NR2F1: variants seen among roughly 807,000 people sequenced by gnomAD.
NR2F1 encodes the protein nuclear receptor subfamily 2 group F member 1, also known as COUP transcription factor 1.
A neutral mutation model predicts 37.7 loss-of-function variants in NR2F1; 1 was observed. That is an observed-to-expected ratio of 0.03 (90% CI 0.01 to 0.13). The LOEUF is 0.13. NR2F1 is among the 10% of genes least tolerant of loss of function. NR2F1 has a pLI of 1.00. For missense variants in NR2F1, 268 were observed against 578.4 expected, an observed-to-expected ratio of 0.46 and a Z score of 5.50; for synonymous variants, 275 against 259.6, an observed-to-expected ratio of 1.06 and a Z score of -0.57.
intron 2 of NR2F1, among the ~76,000 whole-genome samples, chr5:93,591,678 A>G (rs1036643376): frequency 6.6e-6 from 1 of 152,006 alleles, no homozygotes; most frequent in African/African-American, 2.4e-5. Flanking sequence ...GGGATGCCAG[A>G]TGGATCTTAA....
At position 93,585,077 on chromosome 5, in the gene NR2F1, C is replaced by T; in HGVS notation, c.54C>T (p.Gly18=). 1.9e-6 allele frequency: 2 copies of T among 1,026,686 alleles called. No individual in the cohort carries two copies. Among genetic ancestry groups the T allele is most frequent in the South Asian group, 4.1e-5 (1 of 24,576 alleles). 63.6% of individuals were successfully genotyped at this position (1,026,686 alleles called of 1,614,324 possible). A position where few individuals can be genotyped will look rare whatever the true frequency, so the allele number is the denominator to read the frequency against. ...ATCCGCAGGACGACGTGGCCGGGGG[C>T]AACCCCGGCGGCCCCAACCCCGCAG... is the stretch of plus-strand genomic sequence containing the variant. ...WRDPQDDVAG[G]NPGGPNPAAQ... The change falls in exon 1 of 3, where the codon GGC becomes GGT. Residue 18 remains glycine, a synonymous_variant. Transcript: ENST00000327111.
chr5:93,585,237 C>A lies in NR2F1; in HGVS notation c.214C>A (p.Gln72Lys). 2 of 1,557,384 alleles carry A rather than the reference C, an allele frequency of 1.3e-6. No individual in the cohort carries two copies. The highest frequency in any genetic ancestry group is 1.7e-6 in the Non-Finnish European group (2 of 1,151,352). Residue 72 changes from glutamine (Q) to lysine (K), a missense_variant, in exon 1 of 3, where the codon CAG (glutamine) becomes AAG (lysine). Physicochemically the swap from Gln to Lys is moderately conservative, Grantham distance 53. Transcript: ENST00000327111. ...CCCCGGCACGGCGGGGGACAAGGGC[C>A]AGGGCCCGCCCGGTTCGGGCCAGAG... ...ATPGTAGDKG[Q>K]GPPGSGQSQQ...
chr5:93,586,138 GCCT>G (rs143284234), intron 1 of NR2F1, among the ~76,000 whole-genome samples: 5,423 of 152,162 alleles, frequency 0.036, 321 homozygotes, highest in African/African-American at 0.12. Context: ...AGCTGGGGCC[GCCT>G]CCTCCAGAGC....
chr5:93,583,263 A>T lies in NR2F1; in HGVS notation c.-1761A>T, dbSNP rs185289050. The T allele has an allele frequency of 7.2e-6, 1 of 138,588 alleles. No individual in the cohort carries two copies. Among genetic ancestry groups the T allele is most frequent in the Non-Finnish European group, 1.6e-5 (1 of 64,314 alleles). The allele number at this position is 138,588 out of a possible 1,614,324, so 8.6% of individuals were successfully genotyped here. A position where few individuals can be genotyped will look rare whatever the true frequency, so the allele number is the denominator to read the frequency against. On this transcript the variant is annotated 5_prime_UTR_variant, in exon 1 of 3. Coordinates refer to ENST00000327111, the MANE Select transcript of NR2F1 (RefSeq NM_005654.6). ...GAGTCCTCCCGTTTAAACGCATTCA[A>T]TTTTTGGGTCTCTCTCTCTCTCTCT...
chr5:93,591,738 T>C (rs889213684), intron 2 of NR2F1, among the ~76,000 whole-genome samples: 1 of 152,044 alleles, frequency 6.6e-6, no homozygotes, highest in Non-Finnish European at 1.5e-5. Context: ...CATTGCATTG[T>C]CTAGGGCTGA....
In NR2F1 at chr5:93,588,038, C is replaced by G. The variant is rs374430367; in HGVS notation, c.585C>G (p.Ala195=). The change falls in exon 2 of 3, where the codon GCC becomes GCG. Residue 195 remains alanine (A), a synonymous_variant. Coordinates refer to ENST00000327111, the MANE Select transcript of NR2F1 (RefSeq NM_005654.6). The stretch of plus-strand genomic sequence containing the variant: ...GCTACATCTCGCTGCTGCTGCGCGC[C>G]GAGCCCTACCCCACGTCGCGCTACG... ...LSGYISLLLR[A]EPYPTSRYGS... The G allele has an allele frequency of 2.5e-6, 4 of 1,613,986 alleles. No individual in the cohort carries two copies. Among genetic ancestry groups the G allele is most frequent in the Non-Finnish European group, 3.4e-6 (4 of 1,180,020 alleles).
chr5:93,591,762 G>A (rs1753335048), intron 2 of NR2F1, among the ~76,000 whole-genome samples: 1 of 152,156 alleles, frequency 6.6e-6, no homozygotes, highest in South Asian at 2.1e-4. Context: ...TGATCCATAA[G>A]CATGCAGGCA....
intron 2 of NR2F1, among the ~76,000 whole-genome samples, chr5:93,589,418 A>C (rs1057212356): frequency 6.6e-6 from 1 of 152,252 alleles, no homozygotes; most frequent in South Asian, 2.1e-4. Context: ...ATAAACACCC[A>C]GGACAGCAGG....
chr5:93,587,814 C>A, intron 1 of NR2F1, 103 bp from the exon 2 acceptor site: 1 of 1,255,520 alleles, frequency 8.0e-7, no homozygotes, highest in Non-Finnish European at 1.1e-6. Context: ...GCGCGTGTGG[C>A]TGCGGGAAGA....
intron 1 of NR2F1, among the ~76,000 whole-genome samples, chr5:93,586,165 TCAC>T (rs1753229592): frequency 6.6e-6 from 1 of 152,190 alleles, no homozygotes; most frequent in Non-Finnish European, 1.5e-5. Flanking sequence ...GGCCTTGTTT[TCAC>T]CCCTCTACTT....
In NR2F1 at chr5:93,594,227, C is replaced by T. The variant is rs1753385109; in HGVS notation, c.*385C>T. 1 of 196,872 alleles carries T rather than the reference C, an allele frequency of 5.1e-6. No homozygotes were observed. Among genetic ancestry groups the T allele is most frequent in the Admixed American group, 5.6e-5 (1 of 17,862 alleles). 12.2% of individuals were successfully genotyped at this position (196,872 alleles called of 1,614,324 possible). Reference sequence around the variant, plus strand: ...TGGACGGATGTGGATATATTCTGTACAGGAACAACACATATGGAAGTGGAC... The same window carrying T: ...TGGACGGATGTGGATATATTCTGTATAGGAACAACACATATGGAAGTGGAC... On this transcript the variant is annotated 3_prime_UTR_variant, in exon 3 of 3. Coordinates refer to ENST00000327111, the MANE Select transcript of NR2F1 (RefSeq NM_005654.6).
intron 2 of NR2F1, among the ~76,000 whole-genome samples, chr5:93,591,679 TG>T (rs902003964): frequency 6.6e-6 from 1 of 151,872 alleles, no homozygotes; most frequent in African/African-American, 2.4e-5. Context: ...GGATGCCAGA[TG>T]GATCTTAAAA....
In NR2F1 at chr5:93,586,191, T is replaced by C. The variant is rs533250531; in HGVS notation, c.463+705T>C. On this transcript the variant is annotated intron_variant, in intron 1 of 2. Coordinates refer to ENST00000327111, the MANE Select transcript of NR2F1 (RefSeq NM_005654.6). ...CACCCCTCTACTTTGAAAGGAAAGT[T>C]TGTGACTGAACCGTGCTTTCATAGT... Among the ~76,000 whole-genome samples the C allele has an allele frequency of 3.3e-5, 5 of 152,302 alleles. No homozygotes were observed. In the East Asian group the frequency reaches 9.7e-4, roughly 29 times the overall value.
Position 93,593,298 on chromosome 5 carries a change from T to C in NR2F1, c.992-264T>C, listed in dbSNP as rs75312970. On this transcript the variant is annotated intron_variant, in intron 2 of 2. Coordinates refer to ENST00000327111, the MANE Select transcript of NR2F1 (RefSeq NM_005654.6). The surrounding 1 kb of genome is among the most constrained non-coding windows in gnomAD (Gnocchi z 5.6). ...GACTAGAGAGGTTTCTGCCTCTGCA[T>C]GTGTGTGCCTCTCTCTCCAGCTCCC... Among the ~76,000 whole-genome samples the C allele has an allele frequency of 3.1e-4, 47 of 152,122 alleles. No individual in the cohort carries two copies. Among genetic ancestry groups the C allele is most frequent in the Admixed American group, 9.8e-4 (15 of 15,292 alleles).
chr5:93,588,562 G>A (rs1225339133), intron 2 of NR2F1, 118 bp downstream of exon 2: 1 of 584,380 alleles, frequency 1.7e-6, no homozygotes. Flanking sequence ...CCGGGCCCTC[G>A]CTGGACACTG....
In NR2F1 at chr5:93,593,889, AC is replaced by A. The variant is rs775083264; in HGVS notation, c.*50del. The A allele has an allele frequency of 3.2e-6, 5 of 1,578,324 alleles. No individual in the cohort carries two copies. Among genetic ancestry groups the A allele is most frequent in the Middle Eastern group, 1.7e-4 (1 of 5,910 alleles). ...CCCCGTCCCCCTAGAGACTCAGAGG[AC>A]CCACCTGGGCCAAGGACTCCAAAGC... is the stretch of plus-strand genomic sequence containing the variant. On this transcript the variant is annotated 3_prime_UTR_variant, in exon 3 of 3. Coordinates refer to ENST00000327111, the MANE Select transcript of NR2F1 (RefSeq NM_005654.6). This position sits in a 1 kb window ranked among gnomAD's most constrained non-coding sequence, Gnocchi z 5.6.
chr5:93,588,421 A>G lies in NR2F1; in HGVS notation c.968A>G (p.Lys323Arg), dbSNP rs1427816254. 1.2e-6 allele frequency: 2 copies of G among 1,610,112 alleles called. No individual in the cohort carries two copies. Among genetic ancestry groups the G allele is most frequent in the Admixed American group, 1.7e-5 (1 of 59,910 alleles). The change falls in exon 2 of 3, where the codon AAA becomes AGA. Residue 323 changes from lysine (K) to arginine (R), a missense_variant. Transcript: ENST00000327111. ...GACTCAGCCGAGTACAGCTGCCTCA[A>G]AGCCATCGTGCTGTTCACGTCAGGT... ...HVDSAEYSCL[K>R]AIVLFTSDAC...
In NR2F1 at chr5:93,593,780, C is replaced by G; in HGVS notation, c.1210C>G (p.Arg404Gly). Reference protein sequence around the residue: ...VGKTPIETLIRDMLLSGSSFN... With the variant: ...VGKTPIETLIGDMLLSGSSFN... The stretch of plus-strand genomic sequence containing the variant: ...TAAAACCCCCATCGAAACTCTCATC[C>G]GCGATATGTTACTGTCTGGGAGCAG... Residue 404 changes from arginine (R) to glycine (G), a missense_variant, in exon 3 of 3, where the codon CGC (arginine) becomes GGC (glycine). Transcript: ENST00000327111. This position sits in a 1 kb window ranked among gnomAD's most constrained non-coding sequence, Gnocchi z 5.6. 6.2e-7 allele frequency: 1 copy of G among 1,614,202 alleles called. No homozygotes were observed.
At position 93,585,505 on chromosome 5, in the gene NR2F1, C is replaced by T; in HGVS notation, c.463+19C>T. 6.3e-7 allele frequency: 1 copy of T among 1,587,424 alleles called. No homozygotes were observed. Among genetic ancestry groups the T allele is most frequent in the Non-Finnish European group, 8.6e-7 (1 of 1,157,894 alleles). Reference sequence around the variant, plus strand: ...CGGGAAGGTGAATATTTCTTCTCTGCTTCTCTCCCCGCGCTTCGCCCGCCT... The same window carrying T: ...CGGGAAGGTGAATATTTCTTCTCTGTTTCTCTCCCCGCGCTTCGCCCGCCT... On this transcript the variant is annotated intron_variant, in intron 1 of 2. Coordinates refer to ENST00000327111, the MANE Select transcript of NR2F1 (RefSeq NM_005654.6).
Sources: allele counts gnomAD v4.1 joint callset (sites outside exome capture counted in the v4.1 genomes callset), GRCh38; gene constraint gnomAD v4.1.1; non-coding constraint Gnocchi (gnomAD v3.1); transcripts MANE v1.5; gene names NCBI Gene and HGNC (gene_info 2026-07-23, HGNC 2026-07-21).